CTIF: variants seen among roughly 807,000 people sequenced by gnomAD.
CTIF encodes CBP80/20-dependent translation initiation factor.
A neutral mutation model predicts 66.0 loss-of-function variants in CTIF; 21 were observed. The observed-to-expected ratio is 0.32, with a 90% CI of 0.23 to 0.46. The LOEUF (loss-of-function observed/expected upper bound fraction) is 0.46. Among genes scored for constraint, CTIF ranks in the 20% least tolerant of loss-of-function variants. CTIF has a pLI of 1.00. For missense variants in CTIF, 739 were observed against 812.7 expected (o/e 0.91, Z 1.10); for synonymous variants, 345 against 326.4 (o/e 1.06, Z -0.62).
intron 10 of CTIF, among the ~76,000 whole-genome samples, chr18:48,846,492 AGGATAGAT>A (rs1161673251): frequency 7.2e-4 from 90 of 125,282 alleles, no homozygotes; most frequent in African/African-American, 2.3e-3. Flanking sequence ...GATGGATGAA[AGGATAGAT>A]GGATGGATGG....
At chr18:48,755,765 G>C (rs937621715) in intron 7 of CTIF, 1 of 152,214 alleles carries the variant, frequency 6.6e-6, no homozygotes, top group Non-Finnish European at 1.5e-5. Context: ...GGTATGCCTA[G>C]TCAGCAGGAT....
chr18:48,584,350 C>G (rs905400532), intron 1 of CTIF, among the ~76,000 whole-genome samples: 1 of 152,188 alleles, frequency 6.6e-6, no homozygotes, highest in Non-Finnish European at 1.5e-5. Flanking sequence ...TGTTGCTGTT[C>G]TTTGCACAAG....
chr18:48,670,798 T>C (rs2091521240), intron 6 of CTIF, 54 bp downstream of exon 6: 2 of 1,467,522 alleles, frequency 1.4e-6, no homozygotes, highest in South Asian at 2.3e-5. Flanking sequence ...GGAGTCCTGA[T>C]CCTCTTCCTG....
chr18:48,739,832 T>A (rs1394954202), intron 7 of CTIF, among the ~76,000 whole-genome samples: 1 of 152,160 alleles, frequency 6.6e-6, no homozygotes, highest in Non-Finnish European at 1.5e-5. Context: ...GTAGTTGGAA[T>A]ATTTACCCGT....
intron 3 of CTIF, among the ~76,000 whole-genome samples, chr18:48,653,133 C>A (rs929113648): frequency 4.1e-4 from 62 of 152,166 alleles, no homozygotes; most frequent in African/African-American, 1.3e-3. Flanking sequence ...GGCCAGGGCA[C>A]TCAGGCAAGA....
intron 1 of CTIF, among the ~76,000 whole-genome samples, chr18:48,599,912 G>A (rs1393457726): frequency 6.6e-6 from 1 of 152,174 alleles, no homozygotes; most frequent in Non-Finnish European, 1.5e-5. Flanking sequence ...CCTGTCACGG[G>A]GCTTCCCTGA....
chr18:48,670,493 CCCA>C (rs963110471), intron 5 of CTIF, 173 bp from the exon 6 acceptor site: 680 of 539,820 alleles, frequency 1.3e-3, no homozygotes, highest in East Asian at 3.2e-3. Context: ...GGACCCCCCC[CCCA>C]CACACACACA....
chr18:48,596,465 T>TTTTC (rs1189712892), intron 1 of CTIF, among the ~76,000 whole-genome samples: 6 of 151,062 alleles, frequency 4.0e-5, no homozygotes, highest in Non-Finnish European at 7.4e-5. Context: ...TTTCCTTTTC[T>TTTTC]TTTCTTTCTT....
chr18:48,798,480 T>C (rs2067978592), intron 9 of CTIF, among the ~76,000 whole-genome samples: 1 of 152,200 alleles, frequency 6.6e-6, no homozygotes, highest in African/African-American at 2.4e-5. Context: ...GTGGGTTCAG[T>C]GCAGGGACAG....
At chr18:48,575,685 C>T (rs1037273239) in intron 1 of CTIF, among the ~76,000 whole-genome samples, 3 of 151,584 alleles carry the variant, frequency 2.0e-5, no homozygotes, top group Non-Finnish European at 2.9e-5. Context: ...GGGTCTCTGC[C>T]CTCAGGCTCA....
intron 7 of CTIF, among the ~76,000 whole-genome samples, chr18:48,721,557 GCTCA>G (rs2092336186): frequency 6.6e-6 from 1 of 152,192 alleles, no homozygotes; most frequent in African/African-American, 2.4e-5. Flanking sequence ...CCAGGGCGAG[GCTCA>G]CTGGCTTCAA....
chr18:48,807,336 A>G (rs1032280197), intron 9 of CTIF, among the ~76,000 whole-genome samples: 1 of 152,250 alleles, frequency 6.6e-6, no homozygotes, highest in Non-Finnish European at 1.5e-5. Context: ...CTGATTATAA[A>G]GAGAAACATT....
At chr18:48,844,016 A>G (rs890336918) in intron 10 of CTIF, among the ~76,000 whole-genome samples, 1 of 152,226 alleles carries the variant, frequency 6.6e-6, no homozygotes, top group Non-Finnish European at 1.5e-5. Context: ...GAGCACATAG[A>G]ACAACCACTC....
chr18:48,639,016 T>C (rs1055997931), intron 3 of CTIF, among the ~76,000 whole-genome samples: 7 of 152,186 alleles, frequency 4.6e-5, no homozygotes, highest in African/African-American at 1.4e-4. Context: ...GGGAGAGATG[T>C]CTACTTCCGA....
At chr18:48,689,319 T>A (rs1555673612) in intron 6 of CTIF, among the ~76,000 whole-genome samples, 1 of 152,190 alleles carries the variant, frequency 6.6e-6, no homozygotes, top group Non-Finnish European at 1.5e-5. Context: ...GTCATAAAAA[T>A]AACTCAAATC....
chr18:48,543,718 G>A (rs1448387138), intron 1 of CTIF, among the ~76,000 whole-genome samples: 1 of 152,164 alleles, frequency 6.6e-6, no homozygotes, highest in Non-Finnish European at 1.5e-5. Flanking sequence ...TGAGCCCTTA[G>A]CAGAGTGGGT....
chr18:48,616,322 C>T (rs150042750), intron 1 of CTIF, among the ~76,000 whole-genome samples: 8 of 152,336 alleles, frequency 5.3e-5, no homozygotes, highest in Admixed American at 1.3e-4. Context: ...GCCAGCTTCC[C>T]GGGGCCAGGC....
At chr18:48,602,732 T>G (rs2090112801) in intron 1 of CTIF, among the ~76,000 whole-genome samples, 1 of 152,262 alleles carries the variant, frequency 6.6e-6, no homozygotes, top group African/African-American at 2.4e-5. Flanking sequence ...CTTCGTTTTG[T>G]GTCCGTAACA....
intron 2 of CTIF, among the ~76,000 whole-genome samples, chr18:48,634,382 C>T (rs181299135): frequency 1.8e-4 from 28 of 152,228 alleles, no homozygotes; most frequent in African/African-American, 6.3e-4. Flanking sequence ...GGGGGAAATA[C>T]TTTGAGACTG....
Sources: allele counts gnomAD v4.1 joint callset (sites outside exome capture counted in the v4.1 genomes callset), GRCh38; gene constraint gnomAD v4.1.1; transcripts MANE v1.5; gene names NCBI Gene and HGNC (gene_info 2026-07-23, HGNC 2026-07-21).